The following SSBP3 variants were observed in gnomAD, a reference collection of about 807,000 sequenced individuals.
SSBP3 encodes the protein single stranded DNA binding protein 3, also known as single-stranded DNA-binding protein 3.
In SSBP3, 5 loss-of-function variants were observed where a neutral mutation model predicts 69.6. That is an observed-to-expected ratio of 0.07 (90% CI 0.04 to 0.15). The LOEUF is 0.15. Among genes scored for constraint, SSBP3 ranks in the 10% least tolerant of loss-of-function variants. SSBP3 has a pLI of 1.00. For missense variants in SSBP3, 312 were observed against 534.0 expected, an observed-to-expected ratio of 0.58 and a Z score of 4.10; for synonymous variants, 196 against 193.4, an observed-to-expected ratio of 1.01 and a Z score of -0.11.
intron 4 of SSBP3, among the ~76,000 whole-genome samples, chr1:54,313,615 A>G (rs1418059116): frequency 1.3e-5 from 2 of 152,026 alleles, no homozygotes; most frequent in Non-Finnish European, 2.9e-5. Context: ...AAGGTCTTGC[A>G]CAAAAGCACG....
chr1:54,305,589 TTTGGATGCCATCA>T (rs1645884528), intron 4 of SSBP3, among the ~76,000 whole-genome samples: 1 of 150,422 alleles, frequency 6.6e-6, no homozygotes, highest in South Asian at 2.1e-4. Flanking sequence ...GGAACTTGAG[TTTGGATGCCATCA>T]TTTAGTTATT....
At chr1:54,357,840 C>T (rs999360260) in intron 4 of SSBP3, among the ~76,000 whole-genome samples, 2 of 152,252 alleles carry the variant, frequency 1.3e-5, no homozygotes, top group South Asian at 4.1e-4. Flanking sequence ...AGCATGTTCA[C>T]CTGCCTCCCA....
chr1:54,399,993 T>C (rs1464434903), intron 4 of SSBP3, among the ~76,000 whole-genome samples: 3 of 152,106 alleles, frequency 2.0e-5, no homozygotes, highest in Admixed American at 2.0e-4. Context: ...ACATATGAAG[T>C]GTAGGCCTCA....
At chr1:54,242,081 C>T in intron 11 of SSBP3, 83 bp downstream of exon 11, 2 of 1,500,198 alleles carry the variant, frequency 1.3e-6, no homozygotes, top group Middle Eastern at 2.4e-4. Context: ...CTTCCCGTGA[C>T]ACCTACACCC....
chr1:54,275,847 T>A (rs1169686761), intron 5 of SSBP3, among the ~76,000 whole-genome samples: 1 of 152,314 alleles, frequency 6.6e-6, no homozygotes, highest in Admixed American at 6.5e-5. Flanking sequence ...AAGACAGCCA[T>A]CAGAGCCCTC....
chr1:54,346,506 G>A (rs1646693139), intron 4 of SSBP3, among the ~76,000 whole-genome samples: 1 of 151,898 alleles, frequency 6.6e-6, no homozygotes, highest in African/African-American at 2.4e-5. Flanking sequence ...CCTGTGAATG[G>A]GCTCTTATTT....
chr1:54,360,453 C>A (rs1336857260), intron 4 of SSBP3, among the ~76,000 whole-genome samples: 2 of 152,184 alleles, frequency 1.3e-5, no homozygotes, highest in Non-Finnish European at 2.9e-5. Flanking sequence ...TCTAAAACAT[C>A]TCTTCTCAAC....
Position 54,293,849 on chromosome 1 carries a change from C to T in SSBP3, c.277-12322G>A, listed in dbSNP as rs190389775. 5.7e-3 allele frequency among the ~76,000 whole-genome samples: 866 copies of T among 152,318 alleles called. 7 individuals carry two copies. In the Middle Eastern group the frequency reaches 0.075, roughly 13 times the overall value. On this transcript the variant is annotated intron_variant, in intron 4 of 17. Coordinates refer to ENST00000610401, the Ensembl canonical transcript of SSBP3. ...AAATAAAATTCTTGCAGAAATCCTG[C>T]TTTTCGGCCAGGCATGGTGGCTCTC...
chr1:54,267,204 A>C (rs1398036151), intron 5 of SSBP3, among the ~76,000 whole-genome samples: 1 of 152,198 alleles, frequency 6.6e-6, no homozygotes, highest in East Asian at 1.9e-4. Flanking sequence ...TCCAGCCACT[A>C]AATGCTTAAG....
intron 4 of SSBP3, among the ~76,000 whole-genome samples, chr1:54,333,440 C>G (rs1052339374): frequency 1.3e-5 from 2 of 152,202 alleles, no homozygotes; most frequent in African/African-American, 4.8e-5. Context: ...CCACCCCAAC[C>G]CACCTGACTC....
At chr1:54,321,244 G>A (rs1336808644) in intron 4 of SSBP3, among the ~76,000 whole-genome samples, 7 of 152,258 alleles carry the variant, frequency 4.6e-5, no homozygotes, top group African/African-American at 1.7e-4. Context: ...AAGAACAGGA[G>A]AATGCCCTCA....
intron 4 of SSBP3, among the ~76,000 whole-genome samples, chr1:54,396,117 G>A (rs372753210): frequency 8.7e-5 from 13 of 148,718 alleles, no homozygotes; most frequent in African/African-American, 2.5e-4. Context: ...ACTTGAACCC[G>A]GGAGGCGGAG....
At chr1:54,352,426 T>C (rs2076571) in intron 4 of SSBP3, among the ~76,000 whole-genome samples, 103,317 of 151,960 alleles carry the variant, frequency 0.68, 36,908 homozygotes, top group African/African-American at 0.92. Flanking sequence ...GACTTCTCCA[T>C]AAAACACCCC....
intron 9 of SSBP3, among the ~76,000 whole-genome samples, chr1:54,250,111 G>A (rs1644801044): frequency 6.6e-6 from 1 of 152,216 alleles, no homozygotes; most frequent in African/African-American, 2.4e-5. Context: ...CCTTCCCTAG[G>A]CAGGCAGCCC....
At chr1:54,296,292 T>C (rs903248716) in intron 4 of SSBP3, among the ~76,000 whole-genome samples, 4 of 152,256 alleles carry the variant, frequency 2.6e-5, no homozygotes, top group African/African-American at 9.6e-5. Context: ...TGAATGTGAA[T>C]GCTGGTTCCG....
chr1:54,331,866 A>T (rs6684761), intron 4 of SSBP3, among the ~76,000 whole-genome samples: 36,914 of 152,118 alleles, frequency 0.24, 5,909 homozygotes, highest in African/African-American at 0.44. Flanking sequence ...CTGGAAATGC[A>T]TGCCTGAGCC....
At chr1:54,281,379 C>G in intron 5 of SSBP3, 59 bp downstream of exon 5, 6 of 1,425,396 alleles carry the variant, frequency 4.2e-6, no homozygotes, top group Non-Finnish European at 5.7e-6. Context: ...CTCCCACCTG[C>G]CCAGGGCCTC....
At chr1:54,273,656 G>A (rs886441605) in intron 5 of SSBP3, among the ~76,000 whole-genome samples, 46 of 152,318 alleles carry the variant, frequency 3.0e-4, no homozygotes, top group African/African-American at 9.9e-4. Flanking sequence ...GGACCAGCCC[G>A]GACCCATGTG....
Position 54,357,833 on chromosome 1 carries a change from A to G in SSBP3, c.276+44028T>C, listed in dbSNP as rs532886989. Among the ~76,000 whole-genome samples the G allele has an allele frequency of 1.2e-4, 19 of 152,322 alleles. No individual in the cohort carries two copies. The South Asian group carries it at 2.9e-3, about 23-fold the overall frequency. On this transcript the variant is annotated intron_variant, in intron 4 of 17. Coordinates refer to ENST00000610401, the Ensembl canonical transcript of SSBP3. ...GGGAGCAGGGATGATTTTTGCTAGC[A>G]TGTTCACCTGCCTCCCAGTCTTTCC...
Sources: allele counts gnomAD v4.1 joint callset (sites outside exome capture counted in the v4.1 genomes callset), GRCh38; gene constraint gnomAD v4.1.1; transcripts MANE v1.5; gene names NCBI Gene and HGNC (gene_info 2026-07-23, HGNC 2026-07-21).